Variants in PAX5 observed in about 807,000 individuals in gnomAD.
PAX5 encodes the protein paired box protein Pax-5.
PAX5 carries 9 observed loss-of-function variants against 43.7 expected under a neutral mutation model. That is an observed-to-expected ratio of 0.21 (90% CI 0.12 to 0.36). The LOEUF is 0.36. Among genes scored for constraint, PAX5 ranks in the 10% least tolerant of loss-of-function variants. PAX5 has a pLI of 1.00. For synonymous variants in PAX5, 228 were observed against 214.3 expected, an observed-to-expected ratio of 1.06 and a Z score of -0.56; for missense variants, 383 against 532.7, an observed-to-expected ratio of 0.72 and a Z score of 2.77.
chr9:37,018,589 TC>T (rs1839593842), intron 2 of PAX5, among the ~76,000 whole-genome samples: 1 of 33,934 alleles, frequency 2.9e-5, no homozygotes. Flanking sequence ...AAAAAAAAAA[TC>T]TGTGGATTGA....
intron 7 of PAX5, among the ~76,000 whole-genome samples, chr9:36,886,481 C>T (rs903861620): frequency 6.6e-5 from 10 of 152,148 alleles, no homozygotes; most frequent in African/African-American, 9.7e-5. Flanking sequence ...AGGACACAGG[C>T]AGTTTCACCT....
intron 6 of PAX5, among the ~76,000 whole-genome samples, chr9:36,929,233 AGG>A (rs1563978614): frequency 7.3e-6 from 1 of 137,282 alleles, no homozygotes; most frequent in Admixed American, 7.7e-5. Flanking sequence ...GAAGGAAGGA[AGG>A]AGGAAGGAAG....
intron 6 of PAX5, among the ~76,000 whole-genome samples, chr9:36,935,458 T>C (rs1831473709): frequency 6.6e-6 from 1 of 152,116 alleles, no homozygotes; most frequent in Non-Finnish European, 1.5e-5. Context: ...ACAGTTTCAG[T>C]GACTCATCTC....
At chr9:36,973,626 G>T (rs1015658851) in intron 5 of PAX5, among the ~76,000 whole-genome samples, 1 of 152,152 alleles carries the variant, frequency 6.6e-6, no homozygotes, top group Non-Finnish European at 1.5e-5. Context: ...CAGCACTTTG[G>T]GAGGCTGAGG....
intron 7 of PAX5, among the ~76,000 whole-genome samples, chr9:36,896,877 T>G (rs1827914488): frequency 6.6e-6 from 1 of 152,166 alleles, no homozygotes; most frequent in African/African-American, 2.4e-5. Context: ...CAATCAGGCC[T>G]GGGTTCAATT....
chr9:36,876,202 C>T (rs773930327), intron 8 of PAX5, among the ~76,000 whole-genome samples: 3 of 152,254 alleles, frequency 2.0e-5, no homozygotes, highest in Non-Finnish European at 2.9e-5. Context: ...CAAGGCTGCG[C>T]CCACCTCTCC....
chr9:36,939,663 C>T (rs868829532), intron 6 of PAX5, among the ~76,000 whole-genome samples: 4 of 152,100 alleles, frequency 2.6e-5, no homozygotes, highest in African/African-American at 9.7e-5. Flanking sequence ...CTCCTGACAG[C>T]CTGCTAAGGA....
chr9:37,017,962 C>T (rs545139229), intron 2 of PAX5, among the ~76,000 whole-genome samples: 75 of 152,320 alleles, frequency 4.9e-4, no homozygotes, highest in Admixed American at 1.3e-3. Context: ...AAAAGACCAA[C>T]GGCAGCCACC....
At chr9:36,901,648 G>T (rs551008014) in intron 7 of PAX5, among the ~76,000 whole-genome samples, 39 of 152,232 alleles carry the variant, frequency 2.6e-4, no homozygotes, top group Admixed American at 1.9e-3. Flanking sequence ...AGGTAGGGGG[G>T]TCTGGGATTG....
intron 7 of PAX5, among the ~76,000 whole-genome samples, chr9:36,919,192 A>T (rs912816081): frequency 6.6e-6 from 1 of 152,232 alleles, no homozygotes; most frequent in African/African-American, 2.4e-5. Flanking sequence ...CCTGGATAAC[A>T]GCACATCTGT....
At chr9:36,897,489 A>AAT (rs1827969996) in intron 7 of PAX5, among the ~76,000 whole-genome samples, 1 of 151,976 alleles carries the variant, frequency 6.6e-6, no homozygotes, top group African/African-American at 2.4e-5. Flanking sequence ...GGTTTCTTCA[A>AAT]ACACACACAC....
chr9:36,973,381 T>C lies in PAX5; in HGVS notation c.605-6657A>G, dbSNP rs1835141425. On this transcript the variant is annotated intron_variant, in intron 5 of 9. Transcript: ENST00000358127. ...GACAGAGCAGGTCCTGATGGTCATC[T>C]GCCACAGGAGTACAGAGCTGGGGTG... Among the ~76,000 whole-genome samples, 3 of 152,270 alleles carry C rather than the reference T, an allele frequency of 2.0e-5. No homozygotes were observed. The South Asian group carries it at 6.2e-4, about 32-fold the overall frequency.
chr9:36,928,793 A>G lies in PAX5; in HGVS notation c.781-5309T>C, dbSNP rs1366762025. Among the ~76,000 whole-genome samples the G allele has an allele frequency of 2.0e-5, 3 of 152,186 alleles. No homozygotes were observed. The East Asian group carries it at 5.8e-4, about 29-fold the overall frequency. On this transcript the variant is annotated intron_variant, in intron 6 of 9. Transcript: ENST00000358127. ...GGAATATCAGGCATTCAACACTTTTACGAGGCAAAAAAAGAAAACAGCCAT... is the reference window on the plus strand; with the variant it reads ...GGAATATCAGGCATTCAACACTTTTGCGAGGCAAAAAAAGAAAACAGCCAT...
intron 8 of PAX5, among the ~76,000 whole-genome samples, chr9:36,863,883 G>A (rs1215372698): frequency 3.3e-5 from 5 of 152,320 alleles, no homozygotes; most frequent in East Asian, 1.9e-4. Context: ...GGCTAAGGTG[G>A]GCGGATCAGG....
intron 1 of PAX5, among the ~76,000 whole-genome samples, chr9:37,023,291 C>G (rs140029420): frequency 3.3e-5 from 5 of 152,286 alleles, no homozygotes; most frequent in Non-Finnish European, 5.9e-5. Context: ...GAAGGGGCTT[C>G]TGGAGGACAG....
At chr9:36,936,360 C>T (rs1483686299) in intron 6 of PAX5, among the ~76,000 whole-genome samples, 1 of 152,196 alleles carries the variant, frequency 6.6e-6, no homozygotes, top group Non-Finnish European at 1.5e-5. Flanking sequence ...AGCTCCAGAG[C>T]CTAATGTGGA....
At chr9:36,923,696 G>A (rs1308125652) in intron 6 of PAX5, among the ~76,000 whole-genome samples, 1 of 152,192 alleles carries the variant, frequency 6.6e-6, no homozygotes. Context: ...CTTCCCAGGA[G>A]AGGAGGTGGG....
rs1833873828 is a variant in PAX5, at chr9:36,960,525, A to G, written c.780+6024T>C. Among the ~76,000 whole-genome samples, 4 of 152,214 alleles carry G rather than the reference A, an allele frequency of 2.6e-5. 1 individual carries two copies. In the South Asian group the frequency reaches 8.3e-4, roughly 31 times the overall value. On this transcript the variant is annotated intron_variant, in intron 6 of 9. Coordinates refer to ENST00000358127, the MANE Select transcript of PAX5 (RefSeq NM_016734.3). Reference sequence around the variant, plus strand: ...GGTTGGGTTTCAATGGTGGGAAACCATGAGGAACTCTTATAGGAGGTAGGC... The same window carrying G: ...GGTTGGGTTTCAATGGTGGGAAACCGTGAGGAACTCTTATAGGAGGTAGGC...
intron 8 of PAX5, among the ~76,000 whole-genome samples, chr9:36,848,878 T>C (rs1822869606): frequency 6.6e-6 from 1 of 152,230 alleles, no homozygotes; most frequent in Non-Finnish European, 1.5e-5. Flanking sequence ...CATCCCCAGA[T>C]TGGCTTTGGC....
Sources: allele counts gnomAD v4.1 joint callset (sites outside exome capture counted in the v4.1 genomes callset), GRCh38; gene constraint gnomAD v4.1.1; transcripts MANE v1.5; gene names NCBI Gene and HGNC (gene_info 2026-07-23, HGNC 2026-07-21).